MGMT: variants seen among roughly 807,000 people sequenced by gnomAD.
The protein encoded by MGMT is methylated-DNA--protein-cysteine methyltransferase.
In MGMT, 14 loss-of-function variants were observed where a neutral mutation model predicts 15.9. The observed-to-expected ratio is 0.88, with a 90% CI of 0.58 to 1.37. MGMT has a LOEUF of 1.37. Among genes scored for constraint, MGMT ranks in the 40% most tolerant of loss-of-function variants. The pLI, the probability that MGMT is intolerant of heterozygous loss-of-function variation, is 0.00. For synonymous variants in MGMT, 130 were observed against 118.2 expected (o/e 1.10, Z -0.65); for missense variants, 282 against 268.1 (o/e 1.05, Z -0.36).
chr10:129,487,956 C>A (rs1845427002), intron 1 of MGMT, among the ~76,000 whole-genome samples: 2 of 130,324 alleles, frequency 1.5e-5, no homozygotes, highest in South Asian at 2.6e-4. Context: ...CACACACAAA[C>A]ACACATAGGT....
intron 1 of MGMT, among the ~76,000 whole-genome samples, chr10:129,498,458 G>A (rs1430102771): frequency 3.3e-5 from 5 of 152,242 alleles, no homozygotes; most frequent in South Asian, 4.1e-4. Flanking sequence ...ATTTACCAAC[G>A]GGAACTGTTC....
intron 1 of MGMT, among the ~76,000 whole-genome samples, chr10:129,475,800 T>C (rs905871235): frequency 2.0e-5 from 3 of 152,212 alleles, no homozygotes; most frequent in Non-Finnish European, 4.4e-5. Context: ...AAATAAGAAC[T>C]GTTCCTTGGA....
intron 2 of MGMT, among the ~76,000 whole-genome samples, chr10:129,599,086 G>C (rs1846786895): frequency 6.6e-6 from 1 of 152,226 alleles, no homozygotes; most frequent in African/African-American, 2.4e-5. Flanking sequence ...CGCAAATCGA[G>C]CAGCCTCCCA....
At chr10:129,500,285 G>C (rs185221406) in intron 1 of MGMT, among the ~76,000 whole-genome samples, 1 of 152,142 alleles carries the variant, frequency 6.6e-6, no homozygotes, top group South Asian at 2.1e-4. Flanking sequence ...TGAACTGGGC[G>C]GGGGATTCAC....
intron 2 of MGMT, among the ~76,000 whole-genome samples, chr10:129,683,540 C>T (rs1315413009): frequency 2.0e-5 from 3 of 152,216 alleles, no homozygotes; most frequent in Admixed American, 2.0e-4. Flanking sequence ...AACTTCCTGA[C>T]GTTGATCACA....
At chr10:129,651,358 T>C (rs1401562273) in intron 2 of MGMT, among the ~76,000 whole-genome samples, 2 of 152,092 alleles carry the variant, frequency 1.3e-5, no homozygotes, top group Non-Finnish European at 1.5e-5. Context: ...AAAGAACTAG[T>C]GTGAGTGAAT....
intron 1 of MGMT, among the ~76,000 whole-genome samples, chr10:129,482,486 AATT>A (rs1304535753): frequency 6.6e-6 from 1 of 152,088 alleles, no homozygotes. Context: ...CTATTCTAAA[AATT>A]ATTAGGAGTA....
At chr10:129,750,071 C>T (rs887636331) in intron 3 of MGMT, among the ~76,000 whole-genome samples, 7 of 151,970 alleles carry the variant, frequency 4.6e-5, no homozygotes, top group Non-Finnish European at 8.8e-5. Flanking sequence ...GTCTGCCTCT[C>T]GTTTTCAGAG....
intron 2 of MGMT, among the ~76,000 whole-genome samples, chr10:129,657,408 T>A (rs1434835988): frequency 4.7e-5 from 3 of 63,860 alleles, no homozygotes; most frequent in South Asian, 5.3e-4. Flanking sequence ...ATTGTGGGGG[T>A]GGGGGGGGGA....
At chr10:129,512,310 T>C (rs1398050474) in intron 1 of MGMT, among the ~76,000 whole-genome samples, 1 of 152,174 alleles carries the variant, frequency 6.6e-6, no homozygotes, top group African/African-American at 2.4e-5. Context: ...AACTTCTTCC[T>C]AAGGAATTGC....
At chr10:129,576,562 A>G (rs1186328600) in intron 2 of MGMT, among the ~76,000 whole-genome samples, 4 of 152,196 alleles carry the variant, frequency 2.6e-5, no homozygotes, top group East Asian at 1.9e-4. Flanking sequence ...ATCTATGACA[A>G]ACCCACAGCC....
intron 2 of MGMT, among the ~76,000 whole-genome samples, chr10:129,581,523 T>C (rs1004102900): frequency 3.3e-5 from 5 of 152,204 alleles, no homozygotes; most frequent in African/African-American, 1.2e-4. Context: ...TGATTCCTGA[T>C]GAAACAAACT....
At chr10:129,647,776 T>C (rs4317901) in intron 2 of MGMT, among the ~76,000 whole-genome samples, 21 of 152,362 alleles carry the variant, frequency 1.4e-4, no homozygotes, top group African/African-American at 4.1e-4. Context: ...TCACGTCTTA[T>C]GGTTTTTGAT....
chr10:129,578,441 C>A (rs1222706906), intron 2 of MGMT, among the ~76,000 whole-genome samples: 1 of 151,706 alleles, frequency 6.6e-6, no homozygotes. Flanking sequence ...GGACAAAAAA[C>A]CAAACACCGC....
intron 2 of MGMT, among the ~76,000 whole-genome samples, chr10:129,610,199 T>C (rs1846943107): frequency 6.6e-6 from 1 of 152,360 alleles, no homozygotes; most frequent in South Asian, 2.1e-4. Flanking sequence ...TTAGAATTTA[T>C]TGATTTTTTG....
At chr10:129,759,877 C>G (rs1414520867) in intron 4 of MGMT, among the ~76,000 whole-genome samples, 1 of 152,180 alleles carries the variant, frequency 6.6e-6, no homozygotes, top group Non-Finnish European at 1.5e-5. Context: ...CACGTGAGCA[C>G]ACGAGGCAGG....
chr10:129,536,479 A>AT, intron 2 of MGMT, 102 bp downstream of exon 2: 1 of 1,417,122 alleles, frequency 7.1e-7, no homozygotes, highest in Non-Finnish European at 9.5e-7. Context: ...GGTAACGCAT[A>AT]GCCTTACCCC....
intron 2 of MGMT, among the ~76,000 whole-genome samples, chr10:129,540,609 A>G (rs1402024693): frequency 1.3e-5 from 2 of 152,244 alleles, no homozygotes; most frequent in Non-Finnish European, 2.9e-5. Flanking sequence ...ATTTGGTAGA[A>G]TAAATTTTTA....
At chr10:129,651,224 G>A (rs192932001) in intron 2 of MGMT, among the ~76,000 whole-genome samples, 61 of 152,252 alleles carry the variant, frequency 4.0e-4, no homozygotes, top group East Asian at 2.1e-3. Flanking sequence ...CTCAGGTCCC[G>A]TCTTGGCCTC....
Sources: gnomAD v4.1 joint callset for allele counts (sites outside exome capture counted in the v4.1 genomes callset) on GRCh38, gnomAD v4.1.1 for gene constraint, MANE v1.5 for transcripts, NCBI Gene and HGNC (gene_info 2026-07-23, HGNC 2026-07-21) for gene names.